USP28: variants seen among roughly 807,000 people sequenced by gnomAD.
USP28 encodes the protein ubiquitin carboxyl-terminal hydrolase 28.
Under a neutral mutation model 145.0 loss-of-function variants are expected in USP28, and 113 were observed. That is an observed-to-expected ratio of 0.78 (90% confidence interval 0.67 to 0.91). The LOEUF (loss-of-function observed/expected upper bound fraction) is 0.91. USP28 is among the 40% of genes least tolerant of loss of function. The pLI is 0.00. For missense variants in USP28, 1,201 were observed against 1,289.6 expected, an observed-to-expected ratio of 0.93 and a Z score of 1.05; for synonymous variants, 447 against 450.9, an observed-to-expected ratio of 0.99 and a Z score of 0.11.
At chr11:113,868,180 T>C (rs1948479218) in intron 1 of USP28, among the ~76,000 whole-genome samples, 2 of 152,262 alleles carry the variant, frequency 1.3e-5, no homozygotes, top group South Asian at 4.1e-4. Context: ...TGTATGACTA[T>C]CAAAGGAAGT....
intron 1 of USP28, chr11:113,874,649 T>G: frequency 2.3e-6 from 3 of 1,279,494 alleles, no homozygotes; most frequent in Non-Finnish European, 3.0e-6. Context: ...GGAGGTGGTG[T>G]TAAGTTATAA....
At chr11:113,839,283 A>G (rs1028331471) in intron 5 of USP28, among the ~76,000 whole-genome samples, 4 of 152,192 alleles carry the variant, frequency 2.6e-5, no homozygotes, top group Non-Finnish European at 5.9e-5. Context: ...CAGACTCGGC[A>G]TATCTAAAAC....
chr11:113,872,039 G>C (rs1316154439), intron 1 of USP28, among the ~76,000 whole-genome samples: 1 of 152,214 alleles, frequency 6.6e-6, no homozygotes, highest in Non-Finnish European at 1.5e-5. Context: ...TAAGTACTGA[G>C]AGAATGCTAT....
chr11:113,833,134 C>T (rs973611427), intron 7 of USP28, among the ~76,000 whole-genome samples: 2 of 152,124 alleles, frequency 1.3e-5, no homozygotes, highest in African/African-American at 4.8e-5. Context: ...ATTTTCCAAT[C>T]TCCTCCTTTC....
At chr11:113,873,175 A>T (rs1949003939) in intron 1 of USP28, among the ~76,000 whole-genome samples, 1 of 152,256 alleles carries the variant, frequency 6.6e-6, no homozygotes, top group African/African-American at 2.4e-5. Flanking sequence ...ACTTACCAAG[A>T]TGAGGAAGAA....
At chr11:113,811,353 G>A (rs1475471524) in intron 16 of USP28, among the ~76,000 whole-genome samples, 1 of 152,176 alleles carries the variant, frequency 6.6e-6, no homozygotes, top group Non-Finnish European at 1.5e-5. Flanking sequence ...CTCTGTATGA[G>A]TAGTAGTATT....
At chr11:113,839,230 T>C (rs560628369) in intron 5 of USP28, among the ~76,000 whole-genome samples, 6 of 152,312 alleles carry the variant, frequency 3.9e-5, no homozygotes, top group African/African-American at 1.4e-4. Flanking sequence ...GTGAATTCAA[T>C]GAAGGGTAGT....
In USP28 at chr11:113,829,035, A is replaced by G. The variant is rs925244008; in HGVS notation, c.1059+162T>C. 5.7e-5 allele frequency: 50 copies of G among 882,912 alleles called. 1 individual carries two copies. In the East Asian group the frequency reaches 1.2e-3, roughly 22 times the overall value. The allele number at this position is 882,912 out of a possible 1,614,324, so 54.7% of individuals were successfully genotyped here. A position where few individuals can be genotyped will look rare whatever the true frequency, so the allele number is the denominator to read the frequency against. On this transcript the variant is annotated intron_variant, in intron 10 of 24. Transcript: ENST00000003302. ...GTAAAAATTATTTATCAAAGTACTG[A>G]TACTCACTGACTCACATCAACTGAT...
At chr11:113,811,430 G>GT (rs1210772514) in intron 16 of USP28, among the ~76,000 whole-genome samples, 1 of 152,200 alleles carries the variant, frequency 6.6e-6, no homozygotes, top group Non-Finnish European at 1.5e-5. Context: ...CCCCACAACT[G>GT]TAATCCCAGC....
At chr11:113,800,173 T>C (rs1458725394) in intron 24 of USP28, among the ~76,000 whole-genome samples, 3 of 151,804 alleles carry the variant, frequency 2.0e-5, no homozygotes, top group Admixed American at 2.0e-4. Context: ...ACCCGGCTAA[T>C]TTTTTGTATT....
intron 24 of USP28, among the ~76,000 whole-genome samples, chr11:113,800,428 G>A (rs1938784979): frequency 6.6e-6 from 1 of 152,034 alleles, no homozygotes; most frequent in Non-Finnish European, 1.5e-5. Flanking sequence ...TCAGGCTCCT[G>A]AGTAGCTAGA....
chr11:113,844,030 G>A (rs1299506212), intron 3 of USP28, among the ~76,000 whole-genome samples: 2 of 152,130 alleles, frequency 1.3e-5, no homozygotes, highest in African/African-American at 2.4e-5. Flanking sequence ...GATGACACAG[G>A]TGTAAATCTT....
chr11:113,803,692 G>A, intron 22 of USP28, 106 bp downstream of exon 23: 1 of 869,898 alleles, frequency 1.1e-6, no homozygotes, highest in Non-Finnish European at 1.8e-6. Context: ...TAGTGTATGT[G>A]ACAAGGGAGG....
rs188937304 is a variant in USP28, at chr11:113,846,903, G to A, written c.269-5135C>T. On this transcript the variant is annotated intron_variant, in intron 3 of 24. Coordinates refer to ENST00000003302, the Ensembl canonical transcript of USP28. ...CCAGCTACTCGGGAGGCTGAGGCAG[G>A]AGAATAGCTTATACCCAGGAGGCGA... Among the ~76,000 whole-genome samples, 540 of 152,292 alleles carry A rather than the reference G, an allele frequency of 3.5e-3. 1 individual carries two copies. The highest frequency in any genetic ancestry group is 5.6e-3 in the Non-Finnish European group (382 of 68,020).
intron 1 of USP28, among the ~76,000 whole-genome samples, chr11:113,865,508 C>A (rs1401273722): frequency 6.6e-6 from 1 of 152,160 alleles, no homozygotes; most frequent in East Asian, 1.9e-4. Context: ...GATATATAGA[C>A]CAACAGAATA....
intron 10 of USP28, 41 bp from the exon 11 acceptor site, chr11:113,827,401 T>C: frequency 1.3e-6 from 2 of 1,538,020 alleles, no homozygotes; most frequent in Non-Finnish European, 8.7e-7. Context: ...GAAAAATTAA[T>C]TTTAGGAAAT....
chr11:113,850,878 C>T (rs551533185), intron 3 of USP28, among the ~76,000 whole-genome samples: 209 of 152,310 alleles, frequency 1.4e-3, no homozygotes, highest in African/African-American at 4.8e-3. Context: ...ACCTGGGTCT[C>T]CACCATCTTT....
chr11:113,851,864 T>A (rs894660444), intron 3 of USP28, among the ~76,000 whole-genome samples: 1 of 152,162 alleles, frequency 6.6e-6, no homozygotes, highest in Non-Finnish European at 1.5e-5. Context: ...TCTGTCCTTT[T>A]TCTCCATGGT....
At chr11:113,829,463 T>C in intron 9 of USP28, 118 bp from the exon 10 acceptor site, 1 of 1,278,946 alleles carries the variant, frequency 7.8e-7, no homozygotes, top group South Asian at 1.5e-5. Flanking sequence ...TGGTTAGAAA[T>C]GCACTTACGC....
Sources: allele counts gnomAD v4.1 joint callset (sites outside exome capture counted in the v4.1 genomes callset), GRCh38; gene constraint gnomAD v4.1.1; transcripts MANE v1.5; gene names NCBI Gene and HGNC (gene_info 2026-07-23, HGNC 2026-07-21).